Variants in CDKN2B-AS1 observed in about 807,000 individuals in gnomAD.
The protein encoded by CDKN2B-AS1 is CDKN2B antisense RNA 1 (non-protein coding).
At chr9:22,087,014 G>A (rs1486002594) in intron 4 of CDKN2B-AS1, among the ~76,000 whole-genome samples, 1 of 152,200 alleles carries the variant, frequency 6.6e-6, no homozygotes, top group Non-Finnish European at 1.5e-5. Context: ...TCCTTGCCAA[G>A]AGAACCCCAT....
chr9:22,101,665 A>AC (rs1825488775), intron 4 of CDKN2B-AS1, among the ~76,000 whole-genome samples: 1 of 125,382 alleles, frequency 8.0e-6, no homozygotes, highest in African/African-American at 2.8e-5. Flanking sequence ...AACCCTCTTC[A>AC]ACACACACAC....
intron 4 of CDKN2B-AS1, among the ~76,000 whole-genome samples, chr9:22,097,077 A>G (rs1254850440): frequency 6.6e-6 from 1 of 152,182 alleles, no homozygotes; most frequent in African/African-American, 2.4e-5. Flanking sequence ...AAAGGCCATC[A>G]GGGAGTTTCT....
chr9:22,081,037 T>G (rs1433748570), intron 4 of CDKN2B-AS1, among the ~76,000 whole-genome samples: 1 of 152,246 alleles, frequency 6.6e-6, no homozygotes, highest in Non-Finnish European at 1.5e-5. Context: ...TTGTTCATAC[T>G]GCAGTACATT....
chr9:22,030,013 T>A (rs1388169126), intron 1 of CDKN2B-AS1: 1 of 152,250 alleles, frequency 6.6e-6, no homozygotes, highest in Non-Finnish European at 1.5e-5. Context: ...TTTTGTTAGA[T>A]CTAAAGACAT....
chr9:22,038,350 T>A (rs1822771691), intron 1 of CDKN2B-AS1, among the ~76,000 whole-genome samples: 2 of 152,018 alleles, frequency 1.3e-5, no homozygotes, highest in South Asian at 4.1e-4. Context: ...TTTAATTATT[T>A]ACTCGTTTAA....
Position 22,121,761 on chromosome 9 carries a change from G to A in CDKN2B-AS1, n.439-5342G>A, listed in dbSNP as rs112393292. 2.6e-3 allele frequency among the ~76,000 whole-genome samples: 391 copies of A among 152,144 alleles called. 3 individuals are homozygous for A. Among genetic ancestry groups the A allele is most frequent in the African/African-American group, 9.2e-3 (380 of 41,528 alleles). On this transcript the variant is annotated intron_variant and non_coding_transcript_variant, in intron 4 of 4. Coordinates refer to ENST00000650946, the Ensembl canonical transcript of CDKN2B-AS1. ...TTATGGCTTAATAGTATTTCATTGT[G>A]TATATATACCATATTTTCTTTGTCC...
At chr9:22,025,985 A>G (rs547082013) in intron 1 of CDKN2B-AS1, among the ~76,000 whole-genome samples, 11 of 152,140 alleles carry the variant, frequency 7.2e-5, no homozygotes, top group African/African-American at 2.6e-4. Flanking sequence ...CAAAGGTCCC[A>G]TGGAAGTCTG....
At chr9:22,104,115 A>G (rs966040046) in intron 4 of CDKN2B-AS1, among the ~76,000 whole-genome samples, 2 of 152,230 alleles carry the variant, frequency 1.3e-5, no homozygotes, top group Non-Finnish European at 2.9e-5. Flanking sequence ...ATGAGGCAGA[A>G]GGCAAATTAT....
chr9:22,047,248 G>A (rs1322050237), intron 2 of CDKN2B-AS1, among the ~76,000 whole-genome samples: 4 of 151,950 alleles, frequency 2.6e-5, no homozygotes, highest in Admixed American at 6.6e-5. Flanking sequence ...TTAAAACTAT[G>A]TATAGGTATA....
chr9:22,127,023 T>C (rs1818031929), intron 4 of CDKN2B-AS1, among the ~76,000 whole-genome samples: 1 of 152,218 alleles, frequency 6.6e-6, no homozygotes, highest in African/African-American at 2.4e-5. Context: ...CAAGATACTT[T>C]TTTGTTGTTT....
chr9:22,023,913 C>G (rs1412725483), intron 1 of CDKN2B-AS1, among the ~76,000 whole-genome samples: 3 of 152,152 alleles, frequency 2.0e-5, no homozygotes, highest in Non-Finnish European at 4.4e-5. Context: ...CATTCCTATC[C>G]ATATTCTGAA....
intron 4 of CDKN2B-AS1, among the ~76,000 whole-genome samples, chr9:22,087,960 A>T (rs1424743853): frequency 6.6e-6 from 1 of 152,232 alleles, no homozygotes; most frequent in Admixed American, 6.5e-5. Context: ...TGTTGAAAGG[A>T]GAGACTAGGG....
intron 4 of CDKN2B-AS1, among the ~76,000 whole-genome samples, chr9:22,086,817 TG>T (rs1245481027): frequency 6.6e-6 from 1 of 152,226 alleles, no homozygotes; most frequent in Non-Finnish European, 1.5e-5. Context: ...GTTTCCAAAC[TG>T]TATCTACTGT....
intron 4 of CDKN2B-AS1, among the ~76,000 whole-genome samples, chr9:22,126,106 C>T (rs1392810008): frequency 6.6e-6 from 1 of 152,142 alleles, no homozygotes; most frequent in Admixed American, 6.5e-5. Flanking sequence ...TGACTGGAAG[C>T]CTTATCAACA....
intron 1 of CDKN2B-AS1, chr9:22,012,349 CACCCCGCACCTG>C: frequency 8.2e-7 from 1 of 1,215,330 alleles, no homozygotes; most frequent in Non-Finnish European, 1.2e-6. Context: ...AGAAACAGCC[CACCCCGCACCTG>C]GTGCTGCACC....
At chr9:22,071,355 A>G (rs533989695) in intron 4 of CDKN2B-AS1, among the ~76,000 whole-genome samples, 2 of 131,640 alleles carry the variant, frequency 1.5e-5, no homozygotes, top group Non-Finnish European at 3.1e-5. Context: ...GCTGGAGTGC[A>G]GTTGCGCGAT....
chr9:22,002,190 G>T (rs556541094), intron 1 of CDKN2B-AS1, among the ~76,000 whole-genome samples: 1 of 152,156 alleles, frequency 6.6e-6, no homozygotes, highest in African/African-American at 2.4e-5. Flanking sequence ...ATTTGGTTAT[G>T]ATTAGTTGCT....
rs190569642 is a variant in CDKN2B-AS1, at chr9:22,007,936, T to A, written n.29+12775T>A. ...TTTAAAATCTATACTATTAACAAGATCCCTTAATATTAGCTTAGTTTTAGA... is the reference window on the plus strand; with the variant it reads ...TTTAAAATCTATACTATTAACAAGAACCCTTAATATTAGCTTAGTTTTAGA... On this transcript the variant is annotated intron_variant and non_coding_transcript_variant, in intron 1 of 4. Transcript: ENST00000650946. Among the ~76,000 whole-genome samples, 8 of 152,310 alleles carry A rather than the reference T, an allele frequency of 5.3e-5. No homozygotes were observed. The South Asian group carries it at 1.4e-3, about 28-fold the overall frequency.
Position 22,095,596 on chromosome 9 carries a change from T to G in CDKN2B-AS1, n.439-31507T>G, listed in dbSNP as rs1825245828. Among the ~76,000 whole-genome samples, 8 of 151,078 alleles carry G rather than the reference T, an allele frequency of 5.3e-5. No homozygotes were observed. In the South Asian group the frequency reaches 1.7e-3, roughly 31 times the overall value. On this transcript the variant is annotated intron_variant and non_coding_transcript_variant, in intron 4 of 4. Transcript: ENST00000650946. ...TGGGGTGGAGAGTTCTGTAGATGTC[T>G]ATTAGGTCCGCTTGGTGCAGAGCTG...
Sources: gnomAD v4.1 joint callset for allele counts (sites outside exome capture counted in the v4.1 genomes callset) on GRCh38, gnomAD v4.1.1 for gene constraint, MANE v1.5 for transcripts, NCBI Gene and HGNC (gene_info 2026-07-23, HGNC 2026-07-21) for gene names.